Variants in SGMS2 observed in about 807,000 individuals in gnomAD.
The protein encoded by SGMS2 is sphingomyelin synthase 2.
Under a neutral mutation model 43.8 loss-of-function variants are expected in SGMS2, and 21 were observed. That is an observed-to-expected ratio of 0.48 (90% CI 0.34 to 0.69). The LOEUF (loss-of-function observed/expected upper bound fraction) is 0.69, where lower values mean the gene tolerates loss of function less well. Ranked by LOEUF, SGMS2 falls within the 30% of genes least tolerant of loss-of-function variation. SGMS2 has a pLI of 0.01. For missense variants in SGMS2, 384 were observed against 443.2 expected (o/e 0.87, Z 1.20); for synonymous variants, 167 against 160.6 (o/e 1.04, Z -0.30).
At chr4:107,869,863 T>C (rs76341284) in intron 2 of SGMS2, among the ~76,000 whole-genome samples, 9 of 152,274 alleles carry the variant, frequency 5.9e-5, no homozygotes, top group African/African-American at 2.2e-4. Flanking sequence ...TTTTCTTAAG[T>C]CAAAATAAGC....
chr4:107,880,905 T>C (rs892769005), intron 2 of SGMS2, among the ~76,000 whole-genome samples: 5 of 151,170 alleles, frequency 3.3e-5, no homozygotes, highest in East Asian at 1.9e-4. Context: ...AGGTAAGATG[T>C]CTTGGTATTT....
chr4:107,841,853 G>C (rs1726529614), intron 1 of SGMS2, among the ~76,000 whole-genome samples: 2 of 152,080 alleles, frequency 1.3e-5, no homozygotes, highest in African/African-American at 4.8e-5. Context: ...GTCTTGCACT[G>C]TTGCCCAGGC....
At position 107,908,703 on chromosome 4, in the gene SGMS2, G is replaced by A. The variant is rs1323887431; in HGVS notation, c.866G>A (p.Trp289Ter). ...IAYYITTRLF[W>*]WYHSMANEKN... ...TATTATATCACAACACGACTGTTTT[G>A]GTGGTACCATTCAATGGCCAATGAA... is the stretch of plus-strand genomic sequence containing the variant. Residue 289 changes from tryptophan (W) to a stop codon, truncating the protein, a stop_gained, in exon 6 of 7, where the codon TGG becomes TAG. Transcript: ENST00000690982. LOFTEE classifies it high-confidence loss of function. 1 of 1,613,556 alleles carries A rather than the reference G, an allele frequency of 6.2e-7. No individual in the cohort carries two copies.
At chr4:107,905,579 G>A (rs1399384149) in intron 5 of SGMS2, among the ~76,000 whole-genome samples, 1 of 152,150 alleles carries the variant, frequency 6.6e-6, no homozygotes, top group Non-Finnish European at 1.5e-5. Flanking sequence ...TTTTTCAGAT[G>A]AGTAAACTTA....
chr4:107,848,910 T>C (rs1726981908), intron 1 of SGMS2, among the ~76,000 whole-genome samples: 1 of 152,198 alleles, frequency 6.6e-6, no homozygotes. Context: ...GGAGTCCAAC[T>C]TACCAATTTT....
At chr4:107,890,817 TC>T (rs1730146161) in intron 2 of SGMS2, among the ~76,000 whole-genome samples, 1 of 152,126 alleles carries the variant, frequency 6.6e-6, no homozygotes, top group Admixed American at 6.5e-5. Flanking sequence ...ACCATTAAGT[TC>T]CTTTAAAAAA....
At chr4:107,868,649 A>G (rs1388566690) in intron 2 of SGMS2, among the ~76,000 whole-genome samples, 3 of 151,836 alleles carry the variant, frequency 2.0e-5, no homozygotes, top group African/African-American at 7.3e-5. Flanking sequence ...ACCCAGGAGG[A>G]GGAGGTTGCA....
chr4:107,881,474 T>G (rs947085843), intron 2 of SGMS2, among the ~76,000 whole-genome samples: 2 of 152,058 alleles, frequency 1.3e-5, no homozygotes, highest in Non-Finnish European at 2.9e-5. Flanking sequence ...TTTTTTTATT[T>G]TTATGGGTAC....
chr4:107,877,023 G>A (rs367835512), intron 2 of SGMS2, among the ~76,000 whole-genome samples: 11 of 152,080 alleles, frequency 7.2e-5, no homozygotes, highest in African/African-American at 2.7e-4. Flanking sequence ...AATGGGACTG[G>A]GTGTGGTGGC....
At chr4:107,829,941 A>G (rs1560625707) in intron 1 of SGMS2, among the ~76,000 whole-genome samples, 1 of 151,988 alleles carries the variant, frequency 6.6e-6, no homozygotes, top group African/African-American at 2.4e-5. Context: ...TGGGTAAATT[A>G]TGTGTCACAG....
At chr4:107,879,350 T>C (rs1280456368) in intron 2 of SGMS2, among the ~76,000 whole-genome samples, 8 of 152,182 alleles carry the variant, frequency 5.3e-5, no homozygotes, top group Non-Finnish European at 8.8e-5. Context: ...GCAAAAGTAG[T>C]GCTCAGCTGG....
At chr4:107,910,277 C>A in intron 6 of SGMS2, 73 bp from the exon 7 acceptor site, 2 of 1,300,488 alleles carry the variant, frequency 1.5e-6, no homozygotes, top group Non-Finnish European at 2.2e-6. Flanking sequence ...CAGTGAATGA[C>A]AATTTAAGAA....
At chr4:107,885,646 G>A (rs936330646) in intron 2 of SGMS2, among the ~76,000 whole-genome samples, 5 of 151,982 alleles carry the variant, frequency 3.3e-5, no homozygotes, top group Admixed American at 2.6e-4. Flanking sequence ...CATTGTTCTA[G>A]CCAATTAAGC....
At chr4:107,880,021 A>T (rs1729224503) in intron 2 of SGMS2, among the ~76,000 whole-genome samples, 1 of 152,162 alleles carries the variant, frequency 6.6e-6, no homozygotes, top group East Asian at 1.9e-4. Context: ...TAAAAACTGG[A>T]TATAGAACCA....
At chr4:107,865,840 T>C (rs553919572) in intron 2 of SGMS2, among the ~76,000 whole-genome samples, 19 of 152,336 alleles carry the variant, frequency 1.2e-4, no homozygotes, top group African/African-American at 4.1e-4. Flanking sequence ...TTCAGATGCC[T>C]TAAGTAGTGA....
At chr4:107,867,215 T>C (rs1328868471) in intron 2 of SGMS2, 1 of 152,180 alleles carries the variant, frequency 6.6e-6, no homozygotes, top group Non-Finnish European at 1.5e-5. Context: ...GTACTCCTTC[T>C]CTCCTCCTCC....
chr4:107,893,937 G>A (rs1730451024), intron 2 of SGMS2, among the ~76,000 whole-genome samples: 1 of 152,132 alleles, frequency 6.6e-6, no homozygotes, highest in South Asian at 2.1e-4. Flanking sequence ...TAGACTGCAA[G>A]CTCTTTGGCT....
rs1244985343 is a variant in SGMS2, at chr4:107,867,197, T to G, written c.-245+8644T>G. ...TCCTCCACATAGTTCACAACACAGA[T>G]GAAGGGTGTACTCCTTCTCTCCTCC... On this transcript the variant is annotated intron_variant, in intron 2 of 6. Transcript: ENST00000690982. 2.0e-5 allele frequency: 3 copies of G among 152,252 alleles called. No individual in the cohort carries two copies. In the East Asian group the frequency reaches 5.8e-4, roughly 29 times the overall value. 9.4% of individuals were successfully genotyped at this position (152,252 alleles called of 1,614,324 possible). A position where few individuals can be genotyped will look rare whatever the true frequency, so the allele number is the denominator to read the frequency against.
chr4:107,825,356 C>G (rs1272858943), intron 1 of SGMS2, 103 bp downstream of exon 1: 1 of 152,416 alleles, frequency 6.6e-6, no homozygotes, highest in Non-Finnish European at 1.5e-5. Context: ...GGACGTGGCT[C>G]TAATCCGGCC....
Sources: gnomAD v4.1 joint callset for allele counts (sites outside exome capture counted in the v4.1 genomes callset) on GRCh38, gnomAD v4.1.1 for gene constraint, MANE v1.5 for transcripts, NCBI Gene and HGNC (gene_info 2026-07-23, HGNC 2026-07-21) for gene names.